Variants in KCNK10 observed in about 807,000 individuals in gnomAD.
KCNK10 encodes potassium two pore domain channel subfamily K member 10.
A neutral mutation model predicts 47.7 loss-of-function variants in KCNK10; 25 were observed. The ratio of observed to expected loss-of-function variants is 0.52; its 90% CI spans 0.38 to 0.73. KCNK10 has a LOEUF of 0.73. Among genes scored for constraint, KCNK10 ranks in the 30% least tolerant of loss-of-function variants. The pLI is 0.00. For missense variants in KCNK10, 563 were observed against 714.5 expected, an observed-to-expected ratio of 0.79 and a Z score of 2.42; for synonymous variants, 303 against 285.6, an observed-to-expected ratio of 1.06 and a Z score of -0.61.
At chr14:88,198,206 A>T (rs370146038) in intron 4 of KCNK10, among the ~76,000 whole-genome samples, 1 of 152,360 alleles carries the variant, frequency 6.6e-6, no homozygotes, top group South Asian at 2.1e-4. Context: ...AGGAAAACTC[A>T]TAAGCGATCA....
chr14:88,221,528 A>C (rs1178206989), intron 4 of KCNK10, among the ~76,000 whole-genome samples: 5 of 152,218 alleles, frequency 3.3e-5, no homozygotes, highest in Admixed American at 3.3e-4. Flanking sequence ...GAATTGAGAA[A>C]ATTCAGAACA....
chr14:88,241,516 C>T (rs12148023), intron 2 of KCNK10, among the ~76,000 whole-genome samples: 2 of 151,938 alleles, frequency 1.3e-5, no homozygotes, highest in Admixed American at 6.6e-5. Context: ...CACACACACA[C>T]ATCGCTCTTT....
chr14:88,290,867 AAAAAGGCACCCACC>A (rs1887860656), intron 1 of KCNK10, among the ~76,000 whole-genome samples: 1 of 152,216 alleles, frequency 6.6e-6, no homozygotes. Flanking sequence ...CATTCACAAA[AAAAAGGCACCCACC>A]ATGCAAGTTG....
chr14:88,213,121 T>G lies in KCNK10; in HGVS notation c.681+14254A>C, dbSNP rs557698856. 2.0e-5 allele frequency among the ~76,000 whole-genome samples: 3 copies of G among 152,294 alleles called. No individual in the cohort carries two copies. In the East Asian group the frequency reaches 5.8e-4, roughly 29 times the overall value. On this transcript the variant is annotated intron_variant, in intron 4 of 6. Transcript: ENST00000319231. ...TACTGACATGCCAGTCATCTAAAAC[T>G]TATCCTACAGTGAACACATAGATCA...
intron 1 of KCNK10, among the ~76,000 whole-genome samples, chr14:88,286,445 T>C (rs1157201236): frequency 1.3e-5 from 2 of 152,184 alleles, no homozygotes; most frequent in African/African-American, 4.8e-5. Flanking sequence ...AATGGAAACA[T>C]GGCAAAAACC....
intron 1 of KCNK10, among the ~76,000 whole-genome samples, chr14:88,319,506 C>T (rs1888500104): frequency 6.6e-6 from 1 of 152,154 alleles, no homozygotes. Context: ...AAAACAGAGA[C>T]CCAAACTCTG....
At chr14:88,223,028 T>A (rs1160743660) in intron 4 of KCNK10, among the ~76,000 whole-genome samples, 2 of 152,182 alleles carry the variant, frequency 1.3e-5, no homozygotes, top group Admixed American at 1.3e-4. Context: ...TGGGGTTACT[T>A]GTGCTTAAAA....
At position 88,203,403 on chromosome 14, in the gene KCNK10, C is replaced by T. The variant is rs555068523; in HGVS notation, c.682-10993G>A. ...CATTTTGAGCTAAGCTGCCTGCCTG[C>T]AACAGCTACTCCTGGAGGTCAGGGC... On this transcript the variant is annotated intron_variant, in intron 4 of 6. Coordinates refer to ENST00000319231, the MANE Select transcript of KCNK10 (RefSeq NM_138317.3). 1.8e-4 allele frequency among the ~76,000 whole-genome samples: 28 copies of T among 152,292 alleles called. No individual in the cohort carries two copies. In the South Asian group the frequency reaches 5.6e-3, roughly 31 times the overall value.
intron 2 of KCNK10, among the ~76,000 whole-genome samples, chr14:88,245,898 A>G (rs138438738): frequency 0.01 from 1,565 of 152,238 alleles, 27 homozygotes; most frequent in African/African-American, 0.036. Context: ...CATTTTACTA[A>G]CAGACTGTTT....
chr14:88,188,195 G>T, intron 5 of KCNK10, 86 bp from the exon 6 acceptor site: 2 of 1,449,422 alleles, frequency 1.4e-6, no homozygotes, highest in Non-Finnish European at 1.9e-6. Flanking sequence ...TAGTGAAGAC[G>T]TCATCCATCA....
At chr14:88,212,905 T>C (rs1274209395) in intron 4 of KCNK10, among the ~76,000 whole-genome samples, 1 of 152,232 alleles carries the variant, frequency 6.6e-6, no homozygotes, top group African/African-American at 2.4e-5. Context: ...CCCTTCACTA[T>C]GCAAAGCCAT....
At position 88,188,003 on chromosome 14, in the gene KCNK10, A is replaced by G. The variant is rs1320050384; in HGVS notation, c.975T>C (p.Asp325=). The change falls in exon 6 of 7, where the codon GAT becomes GAC. Residue 325 remains aspartate (D), a synonymous_variant. Coordinates refer to ENST00000319231, the MANE Select transcript of KCNK10 (RefSeq NM_138317.3). ...YFAAVLSMIG[D]WLRVLSKKTK... Reference sequence around the variant, plus strand: ...TCTTTTTGGACAGAACCCGTAGCCAATCTCCGATCATACTGAGGACAGCTG... The same window carrying G: ...TCTTTTTGGACAGAACCCGTAGCCAGTCTCCGATCATACTGAGGACAGCTG... The G allele has an allele frequency of 1.2e-6, 2 of 1,614,132 alleles. No homozygotes were observed. Among genetic ancestry groups the G allele is most frequent in the Non-Finnish European group, 1.7e-6 (2 of 1,180,022 alleles).
Position 88,183,378 on chromosome 14 carries a change from A to G in KCNK10, c.*2157T>C, listed in dbSNP as rs1566675017. Reference sequence around the variant, plus strand: ...CCTGGAATTTTAACACACTGCTACAAAGAACGTACCAGATAACACAGAGTG... The same window carrying G: ...CCTGGAATTTTAACACACTGCTACAGAGAACGTACCAGATAACACAGAGTG... On this transcript the variant is annotated 3_prime_UTR_variant, in exon 7 of 7. Coordinates refer to ENST00000319231, the MANE Select transcript of KCNK10 (RefSeq NM_138317.3). 1.3e-5 allele frequency: 2 copies of G among 152,400 alleles called. No individual in the cohort carries two copies. The highest frequency in any genetic ancestry group is 2.9e-5 in the Non-Finnish European group (2 of 68,048). 9.4% of individuals were successfully genotyped at this position (152,400 alleles called of 1,614,324 possible).
intron 1 of KCNK10, among the ~76,000 whole-genome samples, chr14:88,274,134 C>T (rs530159930): frequency 3.3e-5 from 5 of 150,086 alleles, no homozygotes; most frequent in African/African-American, 7.4e-5. Flanking sequence ...CCACAAGCAC[C>T]GCCATGGTTC....
chr14:88,299,707 C>G (rs1272757939), intron 1 of KCNK10, among the ~76,000 whole-genome samples: 2 of 152,036 alleles, frequency 1.3e-5, no homozygotes, highest in Admixed American at 6.5e-5. Flanking sequence ...GGTACTAGTG[C>G]TTGGGGTAAG....
chr14:88,289,641 C>T (rs980489416), intron 1 of KCNK10, among the ~76,000 whole-genome samples: 1 of 152,198 alleles, frequency 6.6e-6, no homozygotes, highest in Non-Finnish European at 1.5e-5. Flanking sequence ...AGGGTAAACC[C>T]ACCCATCTTT....
intron 1 of KCNK10, among the ~76,000 whole-genome samples, chr14:88,318,275 T>C (rs1888470272): frequency 6.6e-6 from 1 of 152,184 alleles, no homozygotes; most frequent in African/African-American, 2.4e-5. Context: ...CTGCCAACCT[T>C]CCATTCATTC....
Position 88,270,017 on chromosome 14 carries a change from T to C in KCNK10, c.53-6466A>G, listed in dbSNP as rs566377176. 2.0e-5 allele frequency among the ~76,000 whole-genome samples: 3 copies of C among 152,272 alleles called. No individual in the cohort carries two copies. The East Asian group carries it at 5.8e-4, about 29-fold the overall frequency. On this transcript the variant is annotated intron_variant, in intron 1 of 6. Coordinates refer to ENST00000319231, the MANE Select transcript of KCNK10 (RefSeq NM_138317.3). ...CCACGGTCACACAGCAGCGTGACTCTGCTACTGACCCAGGCAAAGTGCAAC... is the reference window on the plus strand; with the variant it reads ...CCACGGTCACACAGCAGCGTGACTCCGCTACTGACCCAGGCAAAGTGCAAC...
intron 4 of KCNK10, among the ~76,000 whole-genome samples, chr14:88,204,392 C>T (rs1337433611): frequency 6.6e-6 from 1 of 152,180 alleles, no homozygotes; most frequent in Non-Finnish European, 1.5e-5. Context: ...TGGGCCTTGT[C>T]TGAGCCTTCA....
Sources: allele counts gnomAD v4.1 joint callset (sites outside exome capture counted in the v4.1 genomes callset), GRCh38; gene constraint gnomAD v4.1.1; transcripts MANE v1.5; gene names NCBI Gene and HGNC (gene_info 2026-07-23, HGNC 2026-07-21).